LAMB4: variants seen among roughly 807,000 people sequenced by gnomAD.
LAMB4 encodes the protein laminin subunit beta 4, also known as laminin subunit beta-4.
A neutral mutation model predicts 199.2 loss-of-function variants in LAMB4; 196 were observed. The observed-to-expected ratio is 0.98, with a 90% CI of 0.88 to 1.11. The LOEUF is 1.11. LAMB4 is among the 50% of genes least tolerant of loss of function. The pLI, the probability that LAMB4 is intolerant of heterozygous loss-of-function variation, is 0.00. For missense variants in LAMB4, 2,080 were observed against 2,171.2 expected, an observed-to-expected ratio of 0.96 and a Z score of 0.83; for synonymous variants, 744 against 770.6, an observed-to-expected ratio of 0.97 and a Z score of 0.57.
chr7:108,085,422 T>C (rs2037132212), intron 14 of LAMB4, among the ~76,000 whole-genome samples: 1 of 152,208 alleles, frequency 6.6e-6, no homozygotes, highest in African/African-American at 2.4e-5. Context: ...CAATTCATAC[T>C]AATAATTTTA....
At chr7:108,097,125 A>C (rs2037637738) in intron 11 of LAMB4, among the ~76,000 whole-genome samples, 2 of 152,200 alleles carry the variant, frequency 1.3e-5, no homozygotes, top group South Asian at 4.1e-4. Flanking sequence ...CATGACATTT[A>C]ATTTTGCCAT....
At chr7:108,060,165 C>G (rs1261341209) in intron 23 of LAMB4, among the ~76,000 whole-genome samples, 2 of 152,218 alleles carry the variant, frequency 1.3e-5, no homozygotes, top group Admixed American at 1.3e-4. Flanking sequence ...ATGGGATCCC[C>G]TATGCACCAA....
In LAMB4 at chr7:108,062,895, G is replaced by A. The variant is rs757343921; in HGVS notation, c.3161C>T (p.Pro1054Leu). ...GTCACAGGCCAGGCCTGTGACATTC[G>A]GCAGACAAGGACATGCACCAGTGAC... is the stretch of plus-strand genomic sequence containing the variant. ...DPVTGACPCL[P>L]NVTGLACDRC... The change falls in exon 23 of 34, where the codon CCG becomes CTG. Residue 1054 changes from proline to leucine, a missense_variant. Physicochemically the swap from Pro to Leu is moderately conservative, Grantham distance 98. Transcript: ENST00000388781. The A allele has an allele frequency of 1.7e-5, 28 of 1,608,388 alleles. No homozygotes were observed. The South Asian group carries it at 1.9e-4, about 11-fold the overall frequency.
chr7:108,118,853 GT>G (rs1214255115), intron 2 of LAMB4, among the ~76,000 whole-genome samples: 1 of 152,026 alleles, frequency 6.6e-6, no homozygotes, highest in African/African-American at 2.4e-5. Context: ...AAGTGAAAAG[GT>G]AAACTATGGA....
intron 29 of LAMB4, among the ~76,000 whole-genome samples, chr7:108,039,470 CTTTT>C (rs61668715): frequency 2.2e-5 from 3 of 134,362 alleles, no homozygotes; most frequent in Admixed American, 7.4e-5. Context: ...TACTTTCTTT[CTTTT>C]TTTTTTTTTT....
intron 21 of LAMB4, among the ~76,000 whole-genome samples, chr7:108,064,397 G>A (rs1164311911): frequency 6.6e-6 from 1 of 152,152 alleles, no homozygotes; most frequent in African/African-American, 2.4e-5. Context: ...AAGCAGGCCT[G>A]AAGAGAAAGT....
chr7:108,128,961 C>T (rs947399512), intron 1 of LAMB4, among the ~76,000 whole-genome samples: 15 of 152,084 alleles, frequency 9.9e-5, no homozygotes, highest in African/African-American at 3.1e-4. Context: ...TTTTGGTAGC[C>T]GTTTAATGAA....
intron 11 of LAMB4, among the ~76,000 whole-genome samples, chr7:108,096,565 AC>A (rs1164401596): frequency 6.6e-6 from 1 of 152,150 alleles, no homozygotes; most frequent in African/African-American, 2.4e-5. Context: ...TGATGATTAC[AC>A]AACTTCCAAT....
chr7:108,118,661 T>G (rs747692908), intron 2 of LAMB4, among the ~76,000 whole-genome samples: 2 of 151,862 alleles, frequency 1.3e-5, no homozygotes, highest in Non-Finnish European at 2.9e-5. Context: ...GACTTAAATG[T>G]AAAATGTGAA....
At chr7:108,112,478 A>G (rs1454068697) in intron 3 of LAMB4, among the ~76,000 whole-genome samples, 1 of 141,758 alleles carries the variant, frequency 7.1e-6, no homozygotes, top group African/African-American at 2.6e-5. Flanking sequence ...TTTTTATTAG[A>G]GACAGGTTTT....
At chr7:108,112,835 A>G (rs2150675476) in intron 3 of LAMB4, among the ~76,000 whole-genome samples, 1 of 152,286 alleles carries the variant, frequency 6.6e-6, no homozygotes, top group Non-Finnish European at 1.5e-5. Context: ...GAAATTGCCT[A>G]CAACAGCATA....
In LAMB4 at chr7:108,029,179, T is replaced by A; in HGVS notation, c.5010A>T (p.Lys1670Asn). The A allele has an allele frequency of 6.2e-7, 1 of 1,612,306 alleles. No homozygotes were observed. The highest frequency in any genetic ancestry group is 1.1e-5 in the South Asian group (1 of 90,358). The change falls in exon 33 of 34, where the codon AAA becomes AAT. Residue 1670 changes from lysine to asparagine, a missense_variant. Physicochemically the swap from Lys to Asn is moderately conservative, Grantham distance 94. Coordinates refer to ENST00000388781, the MANE Select transcript of LAMB4 (RefSeq NM_007356.3). Reference sequence around the variant, plus strand: ...TACGTTGGAGAATAGCATATTGTTTTTTCAGCTCAACAAATTCCTGTAACA... The same window carrying A: ...TACGTTGGAGAATAGCATATTGTTTATTCAGCTCAACAAATTCCTGTAACA... Reference protein sequence around the residue: ...GSLEKEFVELKKQYAILQRKT... With the variant: ...GSLEKEFVELNKQYAILQRKT...
chr7:108,013,769 G>A, the LAMB4 span, among the ~76,000 whole-genome samples: 1 of 152,166 alleles, frequency 6.6e-6, no homozygotes, highest in African/African-American at 2.4e-5. Context: ...TGTTTACAAT[G>A]TTGTTTCCAG....
chr7:108,031,331 C>CAAAAAAAAAAAAA (rs60572529), intron 31 of LAMB4, among the ~76,000 whole-genome samples: 1 of 14,914 alleles, frequency 6.7e-5, no homozygotes, highest in Non-Finnish European at 1.2e-4. Flanking sequence ...TCAACAATAA[C>CAAAAAAAAAAAAA]AAAAAAAAAA....
chr7:108,106,765 C>T (rs1209120843), intron 6 of LAMB4, among the ~76,000 whole-genome samples, 193 bp from the exon 7 acceptor site: 1 of 151,954 alleles, frequency 6.6e-6, no homozygotes, highest in Non-Finnish European at 1.5e-5. Flanking sequence ...GGGGTTCTCC[C>T]TATGTTGCCC....
chr7:108,111,809 A>G lies in LAMB4; in HGVS notation c.328+2T>C, dbSNP rs760946100. 2 of 1,611,150 alleles carry G rather than the reference A, an allele frequency of 1.2e-6. No individual in the cohort carries two copies. Among genetic ancestry groups the G allele is most frequent in the Admixed American group, 3.4e-5 (2 of 59,648 alleles). Reference sequence around the variant, plus strand: ...ACAACTGGAAAGGAACTTAAATCATACCATTTTCAGATTGCCACCATTTCT... The same window carrying G: ...ACAACTGGAAAGGAACTTAAATCATGCCATTTTCAGATTGCCACCATTTCT... On this transcript the variant is annotated splice_donor_variant, in intron 4 of 33. Transcript: ENST00000388781. LOFTEE classifies it high-confidence loss of function.
chr7:108,116,828 C>G (rs2038424215), intron 2 of LAMB4, among the ~76,000 whole-genome samples: 1 of 152,140 alleles, frequency 6.6e-6, no homozygotes. Context: ...AGGCCAGGAG[C>G]TCAAGACCAG....
intron 2 of LAMB4, among the ~76,000 whole-genome samples, chr7:108,120,860 T>G (rs2038574031): frequency 6.6e-6 from 1 of 152,256 alleles, no homozygotes; most frequent in Admixed American, 6.5e-5. Flanking sequence ...ATAACCTGAC[T>G]TGGCCAAACT....
chr7:108,079,864 G>C, intron 14 of LAMB4, 78 bp from the exon 15 acceptor site: 1 of 1,009,022 alleles, frequency 9.9e-7, no homozygotes. Flanking sequence ...GTCCCCCACT[G>C]CACCACCCCC....
Sources: gnomAD v4.1 joint callset for allele counts (sites outside exome capture counted in the v4.1 genomes callset) on GRCh38, gnomAD v4.1.1 for gene constraint, MANE v1.5 for transcripts, NCBI Gene and HGNC (gene_info 2026-07-23, HGNC 2026-07-21) for gene names.